Variants in ANO9 observed in about 807,000 individuals in gnomAD.
The protein encoded by ANO9 is anoctamin 9, also known as anoctamin-9.
In ANO9, 80 loss-of-function variants were observed where a neutral mutation model predicts 100.5. That is an observed-to-expected ratio of 0.80 (90% CI 0.66 to 0.96). ANO9 has a LOEUF of 0.96. ANO9 is among the 40% of genes least tolerant of loss of function. ANO9 has a pLI of 0.00. For missense variants in ANO9, 1,064 were observed against 1,072.7 expected, an observed-to-expected ratio of 0.99 and a Z score of 0.11; for synonymous variants, 473 against 435.6, an observed-to-expected ratio of 1.09 and a Z score of -1.07.
rs146471118 is a variant in ANO9, at chr11:439,928, TC to T, written c.6+1992del. ...TGACGGAGCGACCTGCGTGCAGCCC[TC>T]CCAGGCAGTGCGTGGCGTTCGTGGA... On this transcript the variant is annotated intron_variant, in intron 1 of 22. Transcript: ENST00000332826. Among the ~76,000 whole-genome samples the T allele has an allele frequency of 5.8e-3, 888 of 152,282 alleles. 3 individuals are homozygous for T. The highest frequency in any genetic ancestry group is 0.01 in the Middle Eastern group (3 of 294).
At position 418,559 on chromosome 11, in the gene ANO9, C is replaced by A. The variant is rs753401969; in HGVS notation, c.2161G>T (p.Ala721Ser). ...HVALCIKLIA[A>S]WFVPDIPQSV... ...TGAGGGATGTCGGGCACGAACCAGG[C>A]GGCGATGAGCTTGATGCACAAGGCC... The change falls in exon 23 of 23, where the codon GCC (alanine) becomes TCC (serine). Residue 721 changes from alanine (A) to serine (S), a missense_variant. Coordinates refer to ENST00000332826, the MANE Select transcript of ANO9 (RefSeq NM_001012302.3). 13 of 1,613,014 alleles carry A rather than the reference C, an allele frequency of 8.1e-6. No individual in the cohort carries two copies. The highest frequency in any genetic ancestry group is 1.1e-5 in the South Asian group (1 of 91,086).
At position 421,874 on chromosome 11, in the gene ANO9, A is replaced by G. The variant is rs1234079173; in HGVS notation, c.1335-676T>C. Among the ~76,000 whole-genome samples, 1 of 152,264 alleles carries G rather than the reference A, an allele frequency of 6.6e-6. No individual in the cohort carries two copies. On this transcript the variant is annotated intron_variant, in intron 15 of 22. Coordinates refer to ENST00000332826, the MANE Select transcript of ANO9 (RefSeq NM_001012302.3). The surrounding 1 kb of genome is among the most constrained non-coding windows in gnomAD (Gnocchi z 6.8). ...AAAAGCATTCCTATTGTAGCTCACGACAACTGGTATTTAACACGGTTCTGG... is the reference window on the plus strand; with the variant it reads ...AAAAGCATTCCTATTGTAGCTCACGGCAACTGGTATTTAACACGGTTCTGG...
At chr11:430,453 G>C (rs368029892) in intron 7 of ANO9, 50 bp from the exon 8 acceptor site, 4 of 746,776 alleles carry the variant, frequency 5.4e-6, no homozygotes, top group South Asian at 1.7e-5. Flanking sequence ...GTGGGGGAGG[G>C]ACAGGAAAGG....
intron 1 of ANO9, among the ~76,000 whole-genome samples, chr11:439,832 C>T (rs1274189012): frequency 6.6e-6 from 1 of 152,220 alleles, no homozygotes; most frequent in Non-Finnish European, 1.5e-5. Context: ...TGCCCACCCC[C>T]CGGCCCCTCC....
Position 431,833 on chromosome 11 carries a change from C to T in ANO9, c.465+15G>A, listed in dbSNP as rs555469018. The T allele has an allele frequency of 1.1e-5, 17 of 1,611,148 alleles. No homozygotes were observed. The highest frequency in any genetic ancestry group is 9.9e-5 in the South Asian group (9 of 91,016). On this transcript the variant is annotated intron_variant, in intron 6 of 22. Transcript: ENST00000332826. ...TCCCACCCCAGGGCCCTCTCCAGGC[C>T]AGCCCACCCCTCACCTTGTGCAGGG...
chr11:438,834 C>A (rs1399819230), intron 1 of ANO9, among the ~76,000 whole-genome samples: 1 of 152,162 alleles, frequency 6.6e-6, no homozygotes, highest in Non-Finnish European at 1.5e-5. Flanking sequence ...GTCTGGGACC[C>A]CCATGTCCCC....
intron 7 of ANO9, 38 bp from the exon 8 acceptor site, chr11:430,441 C>G (rs375510350): frequency 1.4e-4 from 101 of 732,530 alleles, no homozygotes; most frequent in South Asian, 3.6e-4. Flanking sequence ...TGTCAGGGGG[C>G]GGTGGGGGAG....
At position 433,414 on chromosome 11, in the gene ANO9, TGTC is replaced by T; in HGVS notation, c.247_249del (p.Asp83del). 4 of 1,613,282 alleles carry T rather than the reference TGTC, an allele frequency of 2.5e-6. No individual in the cohort carries two copies. The highest frequency in any genetic ancestry group is 3.4e-6 in the Non-Finnish European group (4 of 1,179,900). ...GTGCGGTACAGGCCAAAGACACTGT[TGTC>T]AGCACGGATCCCAAAGAAGACCTGT... On this transcript the variant is annotated inframe_deletion, in exon 4 of 23. Transcript: ENST00000332826.
chr11:423,834 T>G (rs1848334753), intron 15 of ANO9, among the ~76,000 whole-genome samples: 1 of 150,516 alleles, frequency 6.6e-6, no homozygotes, highest in Non-Finnish European at 1.5e-5. Flanking sequence ...CTCAGCCAAA[T>G]GTTTAATATT....
chr11:420,098 G>GC, intron 19 of ANO9: 1 of 1,312,210 alleles, frequency 7.6e-7, no homozygotes, highest in Non-Finnish European at 9.7e-7. Flanking sequence ...CACATCCAGC[G>GC]CCCCAGCTCC....
In ANO9 at chr11:429,618, G is replaced by A. The variant is rs141707817; in HGVS notation, c.867C>T (p.Arg289=). ...GGTCCCAGTGCAGGACCACGCGGGC[G>A]CGCTGCCGCTTCCAGATCTCCAGGA... The part of the protein sequence containing the change: ...TVFLEIWKRQ[R]ARVVLHWDLY... The change falls in exon 11 of 23, where the codon CGC becomes CGT. Residue 289 remains arginine, a synonymous_variant. Transcript: ENST00000332826. The A allele has an allele frequency of 1.3e-4, 210 of 1,612,492 alleles. No homozygotes were observed. The highest frequency in any genetic ancestry group is 3.3e-4 in the Middle Eastern group (2 of 6,082).
At chr11:438,668 T>C (rs573389892) in intron 1 of ANO9, among the ~76,000 whole-genome samples, 9 of 151,836 alleles carry the variant, frequency 5.9e-5, no homozygotes, top group Admixed American at 5.9e-4. Flanking sequence ...GACCAGGCCA[T>C]CCATCTGTCC....
intron 15 of ANO9, among the ~76,000 whole-genome samples, chr11:427,177 C>G (rs542482471): frequency 6.9e-4 from 105 of 152,250 alleles, no homozygotes; most frequent in Non-Finnish European, 1.3e-3. Context: ...TGGTGAAACC[C>G]TTTCTCTACA....
At chr11:433,179 G>T in intron 4 of ANO9, 135 bp downstream of exon 4, 2 of 1,245,976 alleles carry the variant, frequency 1.6e-6, no homozygotes, top group South Asian at 3.3e-5. Flanking sequence ...CACACCTGTG[G>T]CCCCTGCCCT....
At chr11:435,558 A>AGCCTAGTATG (rs1849429181) in intron 1 of ANO9, among the ~76,000 whole-genome samples, 1 of 135,476 alleles carries the variant, frequency 7.4e-6, no homozygotes, top group African/African-American at 2.7e-5. Context: ...GGTCTAGTCT[A>AGCCTAGTATG]GTCTAGTCTA....
intron 15 of ANO9, among the ~76,000 whole-genome samples, chr11:424,777 G>C (rs1050018688): frequency 6.6e-6 from 1 of 152,088 alleles, no homozygotes; most frequent in Non-Finnish European, 1.5e-5. Context: ...ATAAAAACAC[G>C]GAAGGGATGC....
intron 20 of ANO9, 184 bp from the exon 21 acceptor site, chr11:419,173 CTG>C: frequency 7.0e-7 from 1 of 1,435,980 alleles, no homozygotes; most frequent in Non-Finnish European, 9.1e-7. Context: ...CTTGTGGGGA[CTG>C]TGGGGACTCT....
At chr11:435,555 TCTA>T in intron 1 of ANO9, among the ~76,000 whole-genome samples, 1 of 134,732 alleles carries the variant, frequency 7.4e-6, no homozygotes, top group African/African-American at 2.8e-5. Context: ...TATGGTCTAG[TCTA>T]GTCTAGTCTA....
At position 430,134 on chromosome 11, in the gene ANO9, G is replaced by C; in HGVS notation, c.720C>G (p.Gly240=). The C allele has an allele frequency of 6.4e-7, 1 of 1,553,834 alleles. No homozygotes were observed. The highest frequency in any genetic ancestry group is 8.7e-7 in the Non-Finnish European group (1 of 1,149,246). ...GCCGCTGGTACCTGCGGCTGTGGTC[G>C]CCGAGGGGACACATGAGGATGTCGT... ...EAHDILMCPL[G]DHSRRYQRLS... is the part of the protein sequence containing the mutation. The change falls in exon 9 of 23, where the codon GGC becomes GGG. Residue 240 remains glycine (G), a synonymous_variant. Coordinates refer to ENST00000332826, the MANE Select transcript of ANO9 (RefSeq NM_001012302.3).
Sources: allele counts gnomAD v4.1 joint callset (sites outside exome capture counted in the v4.1 genomes callset), GRCh38; gene constraint gnomAD v4.1.1; non-coding constraint Gnocchi (gnomAD v3.1); transcripts MANE v1.5; gene names NCBI Gene and HGNC (gene_info 2026-07-23, HGNC 2026-07-21).